Variants in MAST4 observed in about 807,000 individuals in gnomAD.
The protein encoded by MAST4 is microtubule-associated serine/threonine-protein kinase 4.
MAST4 carries 89 observed loss-of-function variants against 162.7 expected under a neutral mutation model. The observed-to-expected ratio is 0.55, with a 90% CI of 0.46 to 0.65. MAST4 has a LOEUF of 0.65. MAST4 is among the 30% of genes least tolerant of loss of function. The probability of loss-of-function intolerance (pLI) is 0.00; values close to 1 mark genes in which losing one functional copy is unlikely to be tolerated. For synonymous variants in MAST4, 1,479 were observed against 1,361.1 expected, an observed-to-expected ratio of 1.09 and a Z score of -1.91; for missense variants, 3,153 against 3,374.0, an observed-to-expected ratio of 0.93 and a Z score of 1.62.
Position 67,167,084 on chromosome 5 carries a change from C to G in MAST4, c.*33C>G, listed in dbSNP as rs146025311. On this transcript the variant is annotated 3_prime_UTR_variant, in exon 29 of 29. Transcript: ENST00000403625. ...GGCCCAGGGGCAGGACTGTGGAGAC[C>G]CGTCCTGAACGGGCGACTGTGTCTT... 9.2e-4 allele frequency: 1,390 copies of G among 1,510,312 alleles called. 1 individual carries two copies. The highest frequency in any genetic ancestry group is 2.5e-3 in the Middle Eastern group (14 of 5,552). The allele number at this position is 1,510,312 out of a possible 1,614,324, so 93.6% of individuals were successfully genotyped here. A position where few individuals can be genotyped will look rare whatever the true frequency, so the allele number is the denominator to read the frequency against.
intron 2 of MAST4, among the ~76,000 whole-genome samples, chr5:66,781,129 A>C (rs1362983810): frequency 6.6e-6 from 1 of 152,160 alleles, no homozygotes; most frequent in Non-Finnish European, 1.5e-5. Context: ...CCTTTTGGCT[A>C]TTGTGACTAA....
At chr5:66,734,241 C>T (rs12188593) in intron 1 of MAST4, among the ~76,000 whole-genome samples, 27,857 of 152,096 alleles carry the variant, frequency 0.18, 3,080 homozygotes, top group East Asian at 0.41. Flanking sequence ...AGATTGCAGA[C>T]TTTTGGGGGG....
chr5:66,970,929 G>T (rs1747348018), intron 4 of MAST4, among the ~76,000 whole-genome samples: 1 of 152,178 alleles, frequency 6.6e-6, no homozygotes, highest in South Asian at 2.1e-4. Flanking sequence ...CCAGTGTGAT[G>T]CTCAAAAGCA....
chr5:66,857,604 GTTTTACTTTAGT>G (rs1282412522), intron 3 of MAST4, among the ~76,000 whole-genome samples: 9 of 152,152 alleles, frequency 5.9e-5, no homozygotes, highest in African/African-American at 2.2e-4. Flanking sequence ...TGACTTTGTT[GTTTTACTTTAGT>G]TTTTACTAAA....
intron 5 of MAST4, among the ~76,000 whole-genome samples, chr5:67,071,977 C>T (rs1164510485): frequency 6.6e-6 from 1 of 152,104 alleles, no homozygotes; most frequent in Admixed American, 6.5e-5. Context: ...GTGCAAAGTT[C>T]CTTAACTTAC....
intron 3 of MAST4, among the ~76,000 whole-genome samples, chr5:66,887,983 C>A (rs531902294): frequency 6.6e-6 from 1 of 151,826 alleles, no homozygotes; most frequent in East Asian, 1.9e-4. Context: ...CCGAGGCGGG[C>A]AGATCACAAG....
At chr5:67,009,841 T>A (rs1752466885) in intron 4 of MAST4, among the ~76,000 whole-genome samples, 1 of 152,090 alleles carries the variant, frequency 6.6e-6, no homozygotes, top group Admixed American at 6.6e-5. Context: ...CTTGGGGTAG[T>A]CTGTTTAAAA....
At chr5:66,868,491 C>CTTTTTTTTTTTTT (rs59614413) in intron 3 of MAST4, among the ~76,000 whole-genome samples, 1 of 135,676 alleles carries the variant, frequency 7.4e-6, no homozygotes, top group Non-Finnish European at 1.6e-5. Flanking sequence ...CCATCACAAA[C>CTTTTTTTTTTTTT]TTTTTTTTTT....
intron 5 of MAST4, among the ~76,000 whole-genome samples, chr5:67,061,740 A>G (rs375873442): frequency 1.3e-5 from 2 of 151,304 alleles, no homozygotes; most frequent in Non-Finnish European, 2.9e-5. Context: ...AGCACCAGTG[A>G]CGCATTTCTT....
At chr5:66,652,407 T>C (rs1215261560) in intron 1 of MAST4, among the ~76,000 whole-genome samples, 1 of 152,314 alleles carries the variant, frequency 6.6e-6, no homozygotes, top group African/African-American at 2.4e-5. Flanking sequence ...TAATGAACAT[T>C]TAAATTAAAA....
intron 3 of MAST4, among the ~76,000 whole-genome samples, chr5:66,856,368 G>A (rs1190790263): frequency 2.6e-5 from 4 of 152,328 alleles, no homozygotes; most frequent in Non-Finnish European, 4.4e-5. Flanking sequence ...TCCCAGGTAG[G>A]ACCTTGATGG....
At chr5:66,823,387 T>A (rs1005165856) in intron 3 of MAST4, among the ~76,000 whole-genome samples, 1 of 152,248 alleles carries the variant, frequency 6.6e-6, no homozygotes, top group Non-Finnish European at 1.5e-5. Flanking sequence ...GGGATTATAA[T>A]GGTTCTTCAC....
chr5:66,638,836 G>T (rs1294958676), intron 1 of MAST4, among the ~76,000 whole-genome samples: 1 of 152,158 alleles, frequency 6.6e-6, no homozygotes, highest in Non-Finnish European at 1.5e-5. Context: ...TCCTGTCGGT[G>T]CTCAAAAGTT....
chr5:66,835,944 C>T (rs748237636), intron 3 of MAST4, among the ~76,000 whole-genome samples: 5 of 151,898 alleles, frequency 3.3e-5, no homozygotes, highest in Non-Finnish European at 7.4e-5. Flanking sequence ...CCGAGGTGGG[C>T]GGATTGCTTG....
intron 5 of MAST4, among the ~76,000 whole-genome samples, chr5:67,069,458 G>T (rs1284831033): frequency 6.6e-6 from 1 of 151,662 alleles, no homozygotes; most frequent in African/African-American, 2.4e-5. Context: ...AGTATTCCAG[G>T]TCTGATGACA....
Position 66,919,099 on chromosome 5 carries a change from A to AACACACACACACACACACACAC in MAST4, c.674+19135_674+19156dup, listed in dbSNP as rs56340246. On this transcript the variant is annotated intron_variant, in intron 4 of 28. Coordinates refer to ENST00000403625, the MANE Select transcript of MAST4 (RefSeq NM_001164664.2). ...GCCTGGGTGACAGAGCGAGACTCTCAACACACACACACACACACACACACA... is the reference window on the plus strand; with the variant it reads ...GCCTGGGTGACAGAGCGAGACTCTCAACACACACACACACACACACACACACACACACACACACACACACACA... Among the ~76,000 whole-genome samples, 8 of 142,302 alleles carry AACACACACACACACACACACAC rather than the reference A, an allele frequency of 5.6e-5. No homozygotes were observed. The East Asian group carries it at 1.0e-3, about 19-fold the overall frequency. 93.4% of individuals were successfully genotyped at this position (142,302 alleles called of 152,430 possible).
chr5:66,925,287 G>T (rs1231316726), intron 4 of MAST4, among the ~76,000 whole-genome samples: 1 of 152,136 alleles, frequency 6.6e-6, no homozygotes, highest in East Asian at 1.9e-4. Flanking sequence ...ATGTGTAGTT[G>T]TTTAAGGTAC....
Position 67,094,148 on chromosome 5 carries a change from A to G in MAST4, c.834-1449A>G, listed in dbSNP as rs746389243. 18 of 1,495,486 alleles carry G rather than the reference A, an allele frequency of 1.2e-5. No homozygotes were observed. The Admixed American group carries it at 1.8e-4, about 15-fold the overall frequency. 92.6% of individuals were successfully genotyped at this position (1,495,486 alleles called of 1,614,324 possible). On this transcript the variant is annotated intron_variant, in intron 6 of 28. Coordinates refer to ENST00000403625, the MANE Select transcript of MAST4 (RefSeq NM_001164664.2). ...TACTTGATTCATTTGTACTCCAATC[A>G]TGGTACAGAAATGACAGGTAAATTT... is the stretch of plus-strand genomic sequence containing the variant.
At chr5:66,625,984 T>A (rs1002422074) in intron 1 of MAST4, among the ~76,000 whole-genome samples, 40 of 152,174 alleles carry the variant, frequency 2.6e-4, no homozygotes, top group Non-Finnish European at 4.6e-4. Context: ...TGCAACAACA[T>A]GGGTGGAGCC....
Sources: allele counts gnomAD v4.1 joint callset (sites outside exome capture counted in the v4.1 genomes callset), GRCh38; gene constraint gnomAD v4.1.1; transcripts MANE v1.5; gene names NCBI Gene and HGNC (gene_info 2026-07-23, HGNC 2026-07-21).